The following NBPF11 variants were observed in gnomAD, a reference collection of about 807,000 sequenced individuals.
NBPF11 encodes the protein NBPF family member NBPF11.
A neutral mutation model predicts 93.9 loss-of-function variants in NBPF11; 72 were observed. That is an observed-to-expected ratio of 0.77 (90% CI 0.63 to 0.93). The LOEUF (loss-of-function observed/expected upper bound fraction) is 0.93. Among genes scored for constraint, NBPF11 ranks in the 40% least tolerant of loss-of-function variants. The probability of loss-of-function intolerance (pLI) is 0.00; values close to 1 mark genes in which losing one functional copy is unlikely to be tolerated. For missense variants in NBPF11, 705 were observed against 802.2 expected (o/e 0.88, Z 1.46); for synonymous variants, 224 against 304.9 (o/e 0.73, Z 2.76).
rs1173911385 is a variant in NBPF11, at chr1:148,103,721, G to A, written c.*175C>T. The A allele has an allele frequency of 3.7e-4, 599 of 1,611,258 alleles. 1 individual carries two copies. The highest frequency in any genetic ancestry group is 4.5e-4 in the Non-Finnish European group (536 of 1,179,330). ...GAAGACCAGGTGGAGACTTCTCACCGTCAAAGTAAAAAACCTATTGTCCAT... is the reference window on the plus strand; with the variant it reads ...GAAGACCAGGTGGAGACTTCTCACCATCAAAGTAAAAAACCTATTGTCCAT... On this transcript the variant is annotated 3_prime_UTR_variant, in exon 24 of 24. Transcript: ENST00000682118.
intron 2 of NBPF11, among the ~76,000 whole-genome samples, chr1:148,142,785 A>G (rs1198992271): frequency 2.0e-5 from 3 of 151,856 alleles, no homozygotes; most frequent in African/African-American, 7.3e-5. Flanking sequence ...GGCGTCCACC[A>G]CAAGGTCCTG....
intron 1 of NBPF11, among the ~76,000 whole-genome samples, chr1:148,144,037 G>T (rs1437108769): frequency 6.6e-6 from 1 of 151,578 alleles, no homozygotes. Flanking sequence ...AGCCTGGGGG[G>T]AAAAAAATAG....
intron 1 of NBPF11, among the ~76,000 whole-genome samples, chr1:148,144,491 C>G (rs2746941): frequency 9.9e-5 from 15 of 151,464 alleles, no homozygotes; most frequent in African/African-American, 3.7e-4. Flanking sequence ...TCATGCCAGG[C>G]GAGGTCAAGT....
At chr1:148,138,333 T>A (rs1189479914) in intron 2 of NBPF11, among the ~76,000 whole-genome samples, 2 of 151,290 alleles carry the variant, frequency 1.3e-5, no homozygotes, top group Admixed American at 6.6e-5. Flanking sequence ...TTATCTCAAC[T>A]GCAAAGAGGC....
At chr1:148,116,667 C>G in intron 12 of NBPF11, 132 bp from the exon 13 acceptor site, 1 of 592,496 alleles carries the variant, frequency 1.7e-6, no homozygotes, top group South Asian at 2.0e-5. Flanking sequence ...CATGTTTTAT[C>G]TTTAACAGAA....
At chr1:148,140,345 G>A (rs1190053149) in intron 2 of NBPF11, among the ~76,000 whole-genome samples, 7 of 151,568 alleles carry the variant, frequency 4.6e-5, no homozygotes, top group South Asian at 2.1e-4. Context: ...AGAAAATCTC[G>A]GGGATCCTGG....
At chr1:148,105,256 G>T in intron 22 of NBPF11, 104 bp downstream of exon 22, 3 of 639,522 alleles carry the variant, frequency 4.7e-6, no homozygotes, top group East Asian at 2.8e-5. Context: ...TCCTCACTGC[G>T]GCAATGACAT....
intron 1 of NBPF11, among the ~76,000 whole-genome samples, chr1:148,147,291 C>A (rs1673323273): frequency 6.6e-6 from 1 of 152,038 alleles, no homozygotes; most frequent in Non-Finnish European, 1.5e-5. Context: ...GCTGAGGCAG[C>A]ACTTGGGGCC....
At chr1:148,125,074 G>C in intron 5 of NBPF11, 73 bp from the exon 6 acceptor site, 1 of 956,574 alleles carries the variant, frequency 1.0e-6, no homozygotes, top group Non-Finnish European at 1.7e-6. Flanking sequence ...TACAGGGCAG[G>C]AGCCAGGTCC....
intron 1 of NBPF11, chr1:148,146,412 G>C: frequency 3.7e-6 from 6 of 1,602,330 alleles, no homozygotes; most frequent in African/African-American, 1.3e-5. Context: ...GGCTGTCGCT[G>C]AGTGAGCTCT....
intron 4 of NBPF11, among the ~76,000 whole-genome samples, chr1:148,129,329 CTTTT>C (rs1185323093): frequency 7.0e-6 from 1 of 142,424 alleles, no homozygotes; most frequent in South Asian, 2.2e-4. Flanking sequence ...TATATTTTTT[CTTTT>C]TTAAGTGGCG....
chr1:148,124,635 T>C (rs1668663419), intron 6 of NBPF11, among the ~76,000 whole-genome samples: 1 of 151,806 alleles, frequency 6.6e-6, no homozygotes, highest in African/African-American at 2.4e-5. Flanking sequence ...TGGTTCCCAC[T>C]CCTTTGGTGA....
At chr1:148,110,249 C>T (rs1571416774) in intron 16 of NBPF11, 129 bp downstream of exon 16, 1 of 1,142,942 alleles carries the variant, frequency 8.7e-7, no homozygotes, top group African/African-American at 1.6e-5. Context: ...TTGAAATCTA[C>T]ATTGATATAT....
In NBPF11 at chr1:148,103,922, G is replaced by A. The variant is rs1467475029; in HGVS notation, c.2582-10C>T. 6.8e-6 allele frequency: 11 copies of A among 1,610,570 alleles called. No individual in the cohort carries two copies. Among genetic ancestry groups the A allele is most frequent in the Admixed American group, 1.7e-5 (1 of 59,978 alleles). ...CAGCACGCTGCTGAGCCTGGAAAAG[G>A]AGACAAAACTAAAGAAGCAGCCAGG... On this transcript the variant is annotated splice_polypyrimidine_tract_variant and intron_variant, in intron 23 of 23. Transcript: ENST00000682118.
chr1:148,108,363 T>A, intron 18 of NBPF11, 119 bp downstream of exon 18: 1 of 709,158 alleles, frequency 1.4e-6, no homozygotes, highest in Non-Finnish European at 2.6e-6. Context: ...TACATGTGCC[T>A]ATAGGTCCTC....
At chr1:148,147,410 C>T (rs1225215424) in intron 1 of NBPF11, among the ~76,000 whole-genome samples, 6 of 152,022 alleles carry the variant, frequency 3.9e-5, no homozygotes, top group African/African-American at 9.7e-5. Context: ...GGTGCAGACC[C>T]GCAGCACACA....
intron 1 of NBPF11, among the ~76,000 whole-genome samples, chr1:148,150,979 G>A (rs1472474105): frequency 6.6e-5 from 10 of 151,696 alleles, no homozygotes; most frequent in Non-Finnish European, 1.0e-4. Context: ...CGCCCGCGTC[G>A]GCCTCTTAAA....
chr1:148,126,149 C>T (rs1669055376), intron 5 of NBPF11, among the ~76,000 whole-genome samples: 1 of 151,716 alleles, frequency 6.6e-6, no homozygotes, highest in South Asian at 2.1e-4. Context: ...TACAGTTGCC[C>T]GCCACGACGC....
chr1:148,108,694 A>T, intron 17 of NBPF11, 40 bp from the exon 18 acceptor site: 1 of 780,062 alleles, frequency 1.3e-6, no homozygotes, highest in Non-Finnish European at 2.3e-6. Context: ...GCCAGGGGGA[A>T]TCAGAAACCA....
Sources: allele counts gnomAD v4.1 joint callset (sites outside exome capture counted in the v4.1 genomes callset), GRCh38; gene constraint gnomAD v4.1.1; transcripts MANE v1.5; gene names NCBI Gene and HGNC (gene_info 2026-07-23, HGNC 2026-07-21).